Variants in FBXO28 observed in about 807,000 individuals in gnomAD.
FBXO28 encodes F-box only protein 28.
A neutral mutation model predicts 38.1 loss-of-function variants in FBXO28; 8 were observed. The ratio of observed to expected loss-of-function variants is 0.21; its 90% confidence interval spans 0.12 to 0.38. The LOEUF (loss-of-function observed/expected upper bound fraction) is 0.38, where lower values mean the gene tolerates loss of function less well. Ranked by LOEUF, FBXO28 falls within the 10% of genes least tolerant of loss-of-function variation. The probability of loss-of-function intolerance (pLI) is 1.00; values close to 1 mark genes in which losing one functional copy is unlikely to be tolerated. For synonymous variants in FBXO28, 168 were observed against 173.8 expected, an observed-to-expected ratio of 0.97 and a Z score of 0.26; for missense variants, 345 against 460.6, an observed-to-expected ratio of 0.75 and a Z score of 2.30.
Position 224,114,261 on chromosome 1 carries a change from G to T in FBXO28, c.132G>T (p.Gly44=). 6.4e-7 allele frequency: 1 copy of T among 1,555,536 alleles called. No homozygotes were observed. Among genetic ancestry groups the T allele is most frequent in the South Asian group, 1.2e-5 (1 of 84,496 alleles). ...PPPAPQHPQP[G]SQALPAPALA... ...CCGCGCCACAGCACCCGCAGCCGGG[G>T]TCCCAGGCGCTCCCAGCCCCCGCGC... Residue 44 remains glycine (G), a synonymous_variant, in exon 1 of 5, where the codon GGG becomes GGT. Transcript: ENST00000366862.
rs553660518 is a variant in FBXO28 at position 224,133,067 on chromosome 1, C to T, written c.378-1007C>T. Among the ~76,000 whole-genome samples, 8 of 152,242 alleles carry T rather than the reference C, an allele frequency of 5.3e-5. No homozygotes were observed. In the South Asian group the frequency reaches 1.7e-3, roughly 32 times the overall value. Reference sequence around the variant, plus strand: ...AATATTATTGGGCAATAAAAAGGTACATGCTACAACAAGAATGAACCTGGA... The same window carrying T: ...AATATTATTGGGCAATAAAAAGGTATATGCTACAACAAGAATGAACCTGGA... On this transcript the variant is annotated intron_variant, in intron 2 of 4. Coordinates refer to ENST00000366862, the MANE Select transcript of FBXO28 (RefSeq NM_015176.4).
In FBXO28 at chr1:224,160,899, C is replaced by CT. The variant is rs1657891567; in HGVS notation, c.*3154dup. 6.6e-6 allele frequency: 1 copy of CT among 152,086 alleles called. No individual in the cohort carries two copies. The allele number at this position is 152,086 out of a possible 1,614,324, so 9.4% of individuals were successfully genotyped here. On this transcript the variant is annotated 3_prime_UTR_variant, in exon 5 of 5. Coordinates refer to ENST00000366862, the MANE Select transcript of FBXO28 (RefSeq NM_015176.4). ...TATAAGTAATGCCTAAATTAATAAG[C>CT]TAAAAGGTGTCACTACAGCTGGATT...
intron 2 of FBXO28, 22 bp downstream of exon 2, chr1:224,130,603 CAAT>C (rs1342496204): frequency 1.2e-5 from 18 of 1,483,412 alleles, no homozygotes; most frequent in African/African-American, 8.3e-5. Context: ...GTGGCAATGA[CAAT>C]GATGTACAGT....
At chr1:224,117,996 A>ATTTATTT (rs1558185406) in intron 1 of FBXO28, among the ~76,000 whole-genome samples, 60 of 79,080 alleles carry the variant, frequency 7.6e-4, no homozygotes, top group African/African-American at 2.2e-3. Flanking sequence ...TTAATTAATT[A>ATTTATTT]ATTAATTTAT....
At chr1:224,133,301 A>T (rs1657096937) in intron 2 of FBXO28, among the ~76,000 whole-genome samples, 2 of 152,160 alleles carry the variant, frequency 1.3e-5, no homozygotes, top group African/African-American at 4.8e-5. Flanking sequence ...ATAGTTGTAC[A>T]ATCCTGTGAG....
chr1:224,114,379 A>G lies in FBXO28; in HGVS notation c.250A>G (p.Ile84Val). Residue 84 changes from isoleucine to valine, a missense_variant, in exon 1 of 5, where the codon ATT (isoleucine) becomes GTT (valine). Ile to Val is a conservative substitution (Grantham distance 29, BLOSUM62 3). This residue lies in a region of FBXO28 where 56 missense variants were observed against 99.8 expected (regional missense o/e 0.56). Transcript: ENST00000366862. ...NILSFMSYDE[I>V]SQLRLVCKRM... ...CCTCAGCTTTATGTCCTACGACGAA[A>G]TTAGCCAGCTCCGCCTGGTGAGGCC... 6.3e-7 allele frequency: 1 copy of G among 1,590,972 alleles called. No individual in the cohort carries two copies. Among genetic ancestry groups the G allele is most frequent in the Non-Finnish European group, 8.6e-7 (1 of 1,167,718 alleles).
Position 224,157,974 on chromosome 1 carries a change from C to T in FBXO28, c.*228C>T. On this transcript the variant is annotated 3_prime_UTR_variant, in exon 5 of 5. Transcript: ENST00000366862. ...TAGATTTGTACTAACCAGACCTGTTCTATCATGTTTTGAGGAGTTAACTTT... is the reference window on the plus strand; with the variant it reads ...TAGATTTGTACTAACCAGACCTGTTTTATCATGTTTTGAGGAGTTAACTTT... 7.6e-7 allele frequency: 1 copy of T among 1,309,076 alleles called. No homozygotes were observed. The highest frequency in any genetic ancestry group is 3.0e-5 in the East Asian group (1 of 33,044). The allele number at this position is 1,309,076 out of a possible 1,614,324, so 81.1% of individuals were successfully genotyped here. A position where few individuals can be genotyped will look rare whatever the true frequency, so the allele number is the denominator to read the frequency against.
chr1:224,154,111 T>C (rs1006578895), intron 4 of FBXO28, among the ~76,000 whole-genome samples: 2 of 152,144 alleles, frequency 1.3e-5, no homozygotes, highest in Admixed American at 1.3e-4. Flanking sequence ...TAGAAAATAT[T>C]GTAAGTCAAA....
chr1:224,144,541 C>G (rs568683777), intron 3 of FBXO28, among the ~76,000 whole-genome samples: 9 of 151,974 alleles, frequency 5.9e-5, no homozygotes, highest in South Asian at 2.1e-4. Context: ...GTGTGGATCA[C>G]GAGGTCAAGA....
intron 1 of FBXO28, among the ~76,000 whole-genome samples, chr1:224,128,855 G>A (rs1656966561): frequency 6.6e-6 from 1 of 151,708 alleles, no homozygotes; most frequent in Non-Finnish European, 1.5e-5. Flanking sequence ...GCGGGGTGGT[G>A]CATACCTGTT....
At chr1:224,145,816 C>T (rs1657490817) in intron 3 of FBXO28, among the ~76,000 whole-genome samples, 1 of 152,108 alleles carries the variant, frequency 6.6e-6, no homozygotes, top group African/African-American at 2.4e-5. Context: ...CACCTGTAAT[C>T]CCAGCACTTG....
intron 4 of FBXO28, among the ~76,000 whole-genome samples, chr1:224,155,535 T>C (rs1268869840): frequency 6.6e-6 from 1 of 152,240 alleles, no homozygotes; most frequent in Non-Finnish European, 1.5e-5. Flanking sequence ...AATAACTGTT[T>C]TTGCAAAAGT....
intron 4 of FBXO28, among the ~76,000 whole-genome samples, chr1:224,155,323 G>A (rs1164424587): frequency 1.3e-5 from 2 of 151,642 alleles, no homozygotes; most frequent in African/African-American, 4.8e-5. Context: ...GTGCCACCAC[G>A]CCTGGCTAAT....
At chr1:224,133,128 G>A (rs1657093901) in intron 2 of FBXO28, among the ~76,000 whole-genome samples, 1 of 152,180 alleles carries the variant, frequency 6.6e-6, no homozygotes, top group Admixed American at 6.6e-5. Flanking sequence ...GAAACATAAG[G>A]CTACTGTATG....
chr1:224,115,471 C>G (rs908796), intron 1 of FBXO28, among the ~76,000 whole-genome samples: 141,058 of 152,218 alleles, frequency 0.93, 66,204 homozygotes, highest in Non-Finnish European at 1. Flanking sequence ...TACACCTCCA[C>G]TTTCAAGTGG....
At chr1:224,133,022 A>G (rs944479151) in intron 2 of FBXO28, among the ~76,000 whole-genome samples, 3 of 152,216 alleles carry the variant, frequency 2.0e-5, no homozygotes, top group Non-Finnish European at 4.4e-5. Context: ...CAAACAAAGT[A>G]TGATATATCT....
At chr1:224,139,060 GAT>G (rs1657269439) in intron 3 of FBXO28, among the ~76,000 whole-genome samples, 2 of 151,734 alleles carry the variant, frequency 1.3e-5, no homozygotes, top group African/African-American at 2.4e-5. Context: ...TGGGATTACA[GAT>G]GTGAGCCACT....
In FBXO28 at chr1:224,159,034, T is replaced by A. The variant is rs527243415; in HGVS notation, c.*1288T>A. ...GTGGTCGCTTTAACAACCTCCAAAT[T>A]GTGTACAGTGGTTATTTTCCCCAGT... On this transcript the variant is annotated 3_prime_UTR_variant, in exon 5 of 5. Transcript: ENST00000366862. The A allele has an allele frequency of 1.3e-5, 2 of 152,606 alleles. No individual in the cohort carries two copies. Among genetic ancestry groups the A allele is most frequent in the Admixed American group, 1.3e-4 (2 of 15,272 alleles). The allele number at this position is 152,606 out of a possible 1,614,324, so 9.5% of individuals were successfully genotyped here. A position where few individuals can be genotyped will look rare whatever the true frequency, so the allele number is the denominator to read the frequency against.
At chr1:224,115,444 A>T (rs1185934939) in intron 1 of FBXO28, among the ~76,000 whole-genome samples, 1 of 152,220 alleles carries the variant, frequency 6.6e-6, no homozygotes, top group African/African-American at 2.4e-5. Flanking sequence ...ATTACTCAAT[A>T]TGCTATATTG....
Sources: allele counts gnomAD v4.1 joint callset (sites outside exome capture counted in the v4.1 genomes callset), GRCh38; gene constraint gnomAD v4.1.1; regional missense constraint gnomAD v4.1.1; transcripts MANE v1.5; gene names NCBI Gene and HGNC (gene_info 2026-07-23, HGNC 2026-07-21).